KCNK5: variants seen among roughly 807,000 people sequenced by gnomAD.
The protein encoded by KCNK5 is potassium channel subfamily K member 5.
A neutral mutation model predicts 32.9 loss-of-function variants in KCNK5; 18 were observed. The ratio of observed to expected loss-of-function variants is 0.55; its 90% confidence interval spans 0.38 to 0.81. KCNK5 has a LOEUF of 0.81. Ranked by LOEUF, KCNK5 falls within the 30% of genes least tolerant of loss-of-function variation. The probability of loss-of-function intolerance (pLI) is 0.00; values close to 1 mark genes in which losing one functional copy is unlikely to be tolerated. For missense variants in KCNK5, 507 were observed against 651.0 expected, an observed-to-expected ratio of 0.78 and a Z score of 2.41; for synonymous variants, 276 against 275.3, an observed-to-expected ratio of 1.00 and a Z score of -0.03.
chr6:39,206,458 C>T (rs139342266), intron 1 of KCNK5, among the ~76,000 whole-genome samples: 2,479 of 152,154 alleles, frequency 0.016, 43 homozygotes, highest in Middle Eastern at 0.034. Context: ...TTTCTAAAAA[C>T]AGTCCTTGGA....
Position 39,222,054 on chromosome 6 carries a change from A to G in KCNK5, c.186+6872T>C, listed in dbSNP as rs534451741. Among the ~76,000 whole-genome samples, 3 of 152,328 alleles carry G rather than the reference A, an allele frequency of 2.0e-5. No homozygotes were observed. The South Asian group carries it at 6.2e-4, about 32-fold the overall frequency. On this transcript the variant is annotated intron_variant, in intron 1 of 4. Coordinates refer to ENST00000359534, the MANE Select transcript of KCNK5 (RefSeq NM_003740.4). ...CACTGTATCCAGGTCTCTGAGGTTC[A>G]GAGATTGGGATAACTGCTCACCAGA... is the stretch of plus-strand genomic sequence containing the variant.
Position 39,229,311 on chromosome 6 carries a change from G to A in KCNK5, c.-200C>T. 1 of 648,632 alleles carries A rather than the reference G, an allele frequency of 1.5e-6. No homozygotes were observed. The highest frequency in any genetic ancestry group is 3.0e-5 in the Admixed American group (1 of 33,500). The allele number at this position is 648,632 out of a possible 1,614,324, so 40.2% of individuals were successfully genotyped here. ...GCCCACGGAGTGCGGGGAGCTGCGTGGGGCCCCACTCACGCGGCCCGGGGT... is the reference window on the plus strand; with the variant it reads ...GCCCACGGAGTGCGGGGAGCTGCGTAGGGCCCCACTCACGCGGCCCGGGGT... On this transcript the variant is annotated 5_prime_UTR_variant, in exon 1 of 5. Transcript: ENST00000359534.
chr6:39,206,667 G>A (rs1771231028), intron 1 of KCNK5, among the ~76,000 whole-genome samples: 2 of 152,110 alleles, frequency 1.3e-5, no homozygotes, highest in South Asian at 4.1e-4. Context: ...CAAGTGTGGG[G>A]CCCTCTCTGA....
chr6:39,193,953 G>A (rs1042756315), intron 4 of KCNK5, among the ~76,000 whole-genome samples: 4 of 152,162 alleles, frequency 2.6e-5, no homozygotes, highest in African/African-American at 9.7e-5. Flanking sequence ...GAGGAAAAAG[G>A]CCATGTCTGA....
Position 39,228,962 on chromosome 6 carries a change from C to T in KCNK5, c.150G>A (p.Pro50=), listed in dbSNP as rs564418702. 1.9e-6 allele frequency: 3 copies of T among 1,614,198 alleles called. No individual in the cohort carries two copies. The highest frequency in any genetic ancestry group is 2.2e-5 in the East Asian group (1 of 44,870). ...TQKLHLLKEF[P]CLGQEGLDKI... ...TGTCCAGGCCCTCCTGACCCAGGCA[C>T]GGGAACTCCTTGAGCAGATGCAGCT... The change falls in exon 1 of 5, where the codon CCG becomes CCA. Residue 50 remains proline, a synonymous_variant. Coordinates refer to ENST00000359534, the MANE Select transcript of KCNK5 (RefSeq NM_003740.4).
chr6:39,225,436 C>T (rs1562059876), intron 1 of KCNK5, among the ~76,000 whole-genome samples: 1 of 152,152 alleles, frequency 6.6e-6, no homozygotes, highest in Non-Finnish European at 1.5e-5. Flanking sequence ...GTCTGGTGCA[C>T]GGTGGGCTCT....
intron 1 of KCNK5, among the ~76,000 whole-genome samples, chr6:39,218,699 T>C (rs1052836476): frequency 1.1e-4 from 16 of 152,146 alleles, no homozygotes; most frequent in Non-Finnish European, 1.6e-4. Flanking sequence ...CTGGGTGGTG[T>C]ACCTGGTGCT....
Position 39,194,790 on chromosome 6 carries a change from A to G in KCNK5, c.299-30T>C, listed in dbSNP as rs775532298. 3.7e-6 allele frequency: 6 copies of G among 1,609,804 alleles called. No homozygotes were observed. In the Middle Eastern group the frequency reaches 1.0e-3, roughly 267 times the overall value. On this transcript the variant is annotated intron_variant, in intron 2 of 4. Transcript: ENST00000359534. The surrounding 1 kb of genome is among the most constrained non-coding windows in gnomAD (Gnocchi z 4.7). ...GGAAGGAGAGAGTGAGGCCAAGAAC[A>G]GGAGGGGTGGTCAAACCAGTGGGCC...
chr6:39,208,285 TG>T (rs1339735107), intron 1 of KCNK5, among the ~76,000 whole-genome samples: 3 of 152,164 alleles, frequency 2.0e-5, no homozygotes, highest in Admixed American at 2.0e-4. Flanking sequence ...GTGGGGCCAC[TG>T]GGTTTCTCTA....
rs368167798 is a variant in KCNK5, at chr6:39,218,753, T to C, written c.186+10173A>G. Among the ~76,000 whole-genome samples the C allele has an allele frequency of 5.9e-5, 9 of 151,874 alleles. No individual in the cohort carries two copies. The East Asian group carries it at 1.6e-3, about 26-fold the overall frequency. On this transcript the variant is annotated intron_variant, in intron 1 of 4. Transcript: ENST00000359534. ...ATACTTCTGCTCCTTCCCCCTGGAG[T>C]GGTGCAGGCTCCAGTCATGCCAAAG...
chr6:39,210,313 T>C (rs1034571213), intron 1 of KCNK5, among the ~76,000 whole-genome samples: 4 of 152,056 alleles, frequency 2.6e-5, no homozygotes, highest in Non-Finnish European at 4.4e-5. Context: ...CCTCTCCCCA[T>C]GTGTAAAATT....
At chr6:39,223,810 A>C (rs1213615011) in intron 1 of KCNK5, among the ~76,000 whole-genome samples, 1 of 152,228 alleles carries the variant, frequency 6.6e-6, no homozygotes, top group Admixed American at 6.5e-5. Flanking sequence ...CACAGCATCC[A>C]AAACCGGGGG....
chr6:39,214,829 G>A (rs1415543869), intron 1 of KCNK5, among the ~76,000 whole-genome samples: 1 of 152,152 alleles, frequency 6.6e-6, no homozygotes, highest in Admixed American at 6.5e-5. Context: ...CTACCTTGAA[G>A]CACACAGGCC....
At chr6:39,209,769 T>C (rs1771296788) in intron 1 of KCNK5, among the ~76,000 whole-genome samples, 1 of 152,224 alleles carries the variant, frequency 6.6e-6, no homozygotes, top group South Asian at 2.1e-4. Flanking sequence ...AACCAGGCTC[T>C]GGCAAGGCCT....
intron 1 of KCNK5, 84 bp downstream of exon 1, chr6:39,228,842 A>G: frequency 7.2e-7 from 1 of 1,385,900 alleles, no homozygotes. Context: ...GGGTCACCCA[A>G]AGCTGTGAAG....
chr6:39,212,079 A>T lies in KCNK5; in HGVS notation c.187-16092T>A, dbSNP rs550578614. 8.5e-5 allele frequency among the ~76,000 whole-genome samples: 13 copies of T among 152,318 alleles called. No individual in the cohort carries two copies. In the East Asian group the frequency reaches 2.3e-3, roughly 27 times the overall value. ...GAGGTAGGCAGATCACTTGGAAGTC[A>T]GGAGTTCAAGACCAGCCTAGCCAAC... is the stretch of plus-strand genomic sequence containing the variant. On this transcript the variant is annotated intron_variant, in intron 1 of 4. Transcript: ENST00000359534.
chr6:39,227,522 C>CG (rs1322468040), intron 1 of KCNK5, among the ~76,000 whole-genome samples: 5 of 152,110 alleles, frequency 3.3e-5, no homozygotes, highest in Non-Finnish European at 7.4e-5. Flanking sequence ...TGCCTCTACC[C>CG]GGGAAACTGC....
At chr6:39,225,996 T>C (rs1771664973) in intron 1 of KCNK5, among the ~76,000 whole-genome samples, 1 of 152,248 alleles carries the variant, frequency 6.6e-6, no homozygotes, top group African/African-American at 2.4e-5. Flanking sequence ...ATAGACATCT[T>C]GCCTAATGTT....
intron 1 of KCNK5, among the ~76,000 whole-genome samples, chr6:39,215,829 G>GCT (rs1771423257): frequency 6.6e-6 from 1 of 152,126 alleles, no homozygotes. Context: ...AGGGTCCCCT[G>GCT]ACCACAAACC....
Sources: allele counts gnomAD v4.1 joint callset (sites outside exome capture counted in the v4.1 genomes callset), GRCh38; gene constraint gnomAD v4.1.1; non-coding constraint Gnocchi (gnomAD v3.1); transcripts MANE v1.5; gene names NCBI Gene and HGNC (gene_info 2026-07-23, HGNC 2026-07-21).